VPS35L: variants seen among roughly 807,000 people sequenced by gnomAD.
VPS35L encodes VPS35 endosomal protein-sorting factor-like.
Under a neutral mutation model 133.0 loss-of-function variants are expected in VPS35L, and 83 were observed. That is an observed-to-expected ratio of 0.62 (90% confidence interval 0.52 to 0.75). The LOEUF (loss-of-function observed/expected upper bound fraction) is 0.75. VPS35L is among the 30% of genes least tolerant of loss of function. VPS35L has a pLI of 0.00. For synonymous variants in VPS35L, 423 were observed against 449.9 expected, an observed-to-expected ratio of 0.94 and a Z score of 0.76; for missense variants, 1,083 against 1,206.8, an observed-to-expected ratio of 0.90 and a Z score of 1.52.
chr16:19,634,332 G>A (rs78455275), intron 19 of VPS35L, among the ~76,000 whole-genome samples: 7,624 of 150,762 alleles, frequency 0.051, 628 homozygotes, highest in African/African-American at 0.17. Flanking sequence ...AGCTACCTGG[G>A]ATGCTATAGT....
At chr16:19,654,686 A>G (rs1434416939) in intron 26 of VPS35L, among the ~76,000 whole-genome samples, 2 of 152,240 alleles carry the variant, frequency 1.3e-5, no homozygotes, top group African/African-American at 2.4e-5. Context: ...AAATCTGCTT[A>G]TAAATGGGTT....
At chr16:19,572,729 C>G (rs1370923736) in intron 3 of VPS35L, among the ~76,000 whole-genome samples, 1 of 152,104 alleles carries the variant, frequency 6.6e-6, no homozygotes, top group Non-Finnish European at 1.5e-5. Flanking sequence ...GTCACTCAGA[C>G]TGGAGTGCAG....
Position 19,679,413 on chromosome 16 carries a change from ATT to A in VPS35L, c.2362-2798_2362-2797del, listed in dbSNP as rs36127728. 4.2e-4 allele frequency among the ~76,000 whole-genome samples: 58 copies of A among 136,550 alleles called. No homozygotes were observed. The East Asian group carries it at 9.5e-3, about 22-fold the overall frequency. 89.6% of individuals were successfully genotyped at this position (136,550 alleles called of 152,430 possible). A position where few individuals can be genotyped will look rare whatever the true frequency, so the allele number is the denominator to read the frequency against. ...AGGTGCACACCACCACACGTGGCTAATTTTTTTTTTTTTTTGTAGAAACAATA... is the reference window on the plus strand; with the variant it reads ...AGGTGCACACCACCACACGTGGCTAATTTTTTTTTTTTTGTAGAAACAATA... On this transcript the variant is annotated intron_variant, in intron 27 of 30. Coordinates refer to ENST00000417362, the MANE Select transcript of VPS35L (RefSeq NM_020314.7).
intron 9 of VPS35L, among the ~76,000 whole-genome samples, chr16:19,606,156 C>T (rs937869984): frequency 1.3e-5 from 2 of 152,198 alleles, no homozygotes; most frequent in African/African-American, 4.8e-5. Context: ...AGCCTGATTT[C>T]CAACTCTTTC....
intron 7 of VPS35L, among the ~76,000 whole-genome samples, chr16:19,582,268 C>CAGAA (rs549968711): frequency 7.0e-4 from 106 of 152,220 alleles, no homozygotes; most frequent in African/African-American, 2.3e-3. Flanking sequence ...AAAATGTGCT[C>CAGAA]AGAAGCATAT....
chr16:19,588,555 T>G (rs1251329725), intron 7 of VPS35L, among the ~76,000 whole-genome samples: 1 of 152,146 alleles, frequency 6.6e-6, no homozygotes, highest in African/African-American at 2.4e-5. Flanking sequence ...TTCACTGTTC[T>G]GGGCCCTTTG....
At chr16:19,631,958 A>T (rs1442905597) in intron 18 of VPS35L, among the ~76,000 whole-genome samples, 1 of 150,764 alleles carries the variant, frequency 6.6e-6, no homozygotes, top group Non-Finnish European at 1.5e-5. Flanking sequence ...AAAGTTACTA[A>T]TTTTTTTTTT....
At chr16:19,606,492 C>G (rs772037430) in intron 9 of VPS35L, among the ~76,000 whole-genome samples, 2 of 152,144 alleles carry the variant, frequency 1.3e-5, no homozygotes, top group African/African-American at 4.8e-5. Context: ...AAATAGTTCT[C>G]AAGTGAATGA....
At chr16:19,627,879 G>T (rs771580609) in intron 16 of VPS35L, 74 bp downstream of exon 16, 27 of 1,246,206 alleles carry the variant, frequency 2.2e-5, no homozygotes, top group African/African-American at 4.4e-5. Flanking sequence ...GAGACAGTCC[G>T]GTTTTGGGAA....
intron 12 of VPS35L, among the ~76,000 whole-genome samples, chr16:19,615,674 GA>G (rs368287104): frequency 0.013 from 1,844 of 143,018 alleles, 27 homozygotes; most frequent in African/African-American, 0.044. Context: ...AACAGATAAG[GA>G]AAAAAAAAAT....
intron 27 of VPS35L, among the ~76,000 whole-genome samples, chr16:19,679,794 C>G (rs369819859): frequency 1.3e-5 from 2 of 152,188 alleles, no homozygotes; most frequent in African/African-American, 4.8e-5. Flanking sequence ...CGTGAGCCAC[C>G]GCTATCTAGC....
In VPS35L at chr16:19,666,888, CTTTCTTTCTTTCTTT is replaced by C. The variant is rs1567470263; in HGVS notation, c.2222-2271_2222-2257del. ...GGGCCATGTTTTTCTTTCTTTCTTT[CTTTCTTTCTTTCTTT>C]CTTTCTTTCTTTCTTTCTTTCTTTC... On this transcript the variant is annotated intron_variant, in intron 26 of 30. Transcript: ENST00000417362. 1.2e-3 allele frequency among the ~76,000 whole-genome samples: 136 copies of C among 113,628 alleles called. No homozygotes were observed. The East Asian group carries it at 0.013, about 11-fold the overall frequency. 74.5% of individuals were successfully genotyped at this position (113,628 alleles called of 152,430 possible). A position where few individuals can be genotyped will look rare whatever the true frequency, so the allele number is the denominator to read the frequency against.
intron 9 of VPS35L, chr16:19,607,674 G>A (rs1367623544): frequency 6.5e-6 from 1 of 154,028 alleles, no homozygotes; most frequent in Non-Finnish European, 1.4e-5. Context: ...CAAAAGCTTA[G>A]ATCACATTTC....
intron 25 of VPS35L, 152 bp downstream of exon 25, chr16:19,650,611 A>G (rs1974095085): frequency 9.4e-6 from 6 of 636,022 alleles, no homozygotes; most frequent in South Asian, 2.1e-5. Context: ...CCCTGTATCT[A>G]TGGGATGAGC....
At chr16:19,556,667 A>G (rs964609763) in intron 1 of VPS35L, among the ~76,000 whole-genome samples, 1 of 152,258 alleles carries the variant, frequency 6.6e-6, no homozygotes, top group Non-Finnish European at 1.5e-5. Context: ...GACCTTAGAA[A>G]TAATCAGGTA....
intron 8 of VPS35L, among the ~76,000 whole-genome samples, chr16:19,596,441 A>T (rs1188246248): frequency 1.4e-5 from 2 of 141,042 alleles, no homozygotes; most frequent in Admixed American, 7.1e-5. Flanking sequence ...TGCCCAGCGA[A>T]TTTTTTTTTT....
At chr16:19,667,251 C>T (rs924997460) in intron 26 of VPS35L, among the ~76,000 whole-genome samples, 5 of 151,964 alleles carry the variant, frequency 3.3e-5, no homozygotes, top group African/African-American at 9.7e-5. Context: ...CGTGAGCTAC[C>T]GTACCTGGTT....
intron 26 of VPS35L, chr16:19,652,578 T>C (rs984046615): frequency 1.2e-5 from 2 of 162,638 alleles, no homozygotes; most frequent in African/African-American, 2.4e-5. Flanking sequence ...TGGACACATA[T>C]GCATTTATAG....
In VPS35L at chr16:19,700,409, G is replaced by A; in HGVS notation, c.2825G>A (p.Ser942Asn). ...ACGCTAGAATACATCAAGAAGCAAA[G>A]CAAACAACCAGACATGACTCATCTG... is the stretch of plus-strand genomic sequence containing the variant. ...VKTLEYIKKQ[S>N]KQPDMTHLTE... The change falls in exon 31 of 31, where the codon AGC (serine) becomes AAC (asparagine). Residue 942 changes from serine (S) to asparagine (N), a missense_variant. Transcript: ENST00000417362. The A allele has an allele frequency of 1.9e-6, 3 of 1,614,146 alleles. No individual in the cohort carries two copies. Among genetic ancestry groups the A allele is most frequent in the Non-Finnish European group, 2.5e-6 (3 of 1,180,026 alleles).
Sources: gnomAD v4.1 joint callset for allele counts (sites outside exome capture counted in the v4.1 genomes callset) on GRCh38, gnomAD v4.1.1 for gene constraint, MANE v1.5 for transcripts, NCBI Gene and HGNC (gene_info 2026-07-23, HGNC 2026-07-21) for gene names.